The following POTEE variants were observed in gnomAD, a reference collection of about 807,000 sequenced individuals.
POTEE encodes POTE ankyrin domain family member E.
A neutral mutation model predicts 74.2 loss-of-function variants in POTEE; 21 were observed. The observed-to-expected ratio is 0.28, with a 90% CI of 0.20 to 0.41. The LOEUF is 0.41. Among genes scored for constraint, POTEE ranks in the 10% least tolerant of loss-of-function variants. POTEE has a pLI of 1.00. For synonymous variants in POTEE, 211 were observed against 432.8 expected, an observed-to-expected ratio of 0.49 and a Z score of 6.36; for missense variants, 525 against 1,158.6, an observed-to-expected ratio of 0.45 and a Z score of 7.94.
At position 131,218,357 on chromosome 2, in the gene POTEE, C is replaced by T. The variant is rs376486319; in HGVS notation, c.-46C>T. ...CTAGTTGGTGAAACTGGTTGGTAGA[C>T]GCGATCTGTTGGCTACTACTGGCTT... On this transcript the variant is annotated 5_prime_UTR_variant, in exon 4 of 18. In the 5' UTR this introduces an upstream ATG that the reference lacks. Coordinates refer to ENST00000683005, the MANE Select transcript of POTEE (RefSeq NM_001083538.3). The T allele has an allele frequency of 8.0e-4, 1,286 of 1,608,502 alleles. 19 individuals are homozygous for T. In the South Asian group the frequency reaches 0.012, roughly 15 times the overall value.
At chr2:131,218,178 G>A (rs1206265933) in intron 3 of POTEE, 132 bp from the exon 4 acceptor site, 6 of 916,230 alleles carry the variant, frequency 6.5e-6, no homozygotes, top group South Asian at 1.8e-5. Context: ...TGGGGTGGGC[G>A]TGGGGTCGCC....
chr2:131,256,720 A>G (rs1573737468), intron 16 of POTEE, among the ~76,000 whole-genome samples: 1 of 137,518 alleles, frequency 7.3e-6, no homozygotes, highest in East Asian at 2.3e-4. Context: ...GAAAAAGGGT[A>G]AAAAGAAACC....
At chr2:131,211,746 T>C (rs1405745083) in intron 2 of POTEE, among the ~76,000 whole-genome samples, 2 of 151,184 alleles carry the variant, frequency 1.3e-5, no homozygotes, top group Admixed American at 6.6e-5. Context: ...TTAGTAGAGA[T>C]GGGGTTTCAC....
chr2:131,224,218 A>G (rs1390979046), intron 6 of POTEE, among the ~76,000 whole-genome samples, 175 bp downstream of exon 6: 1 of 151,836 alleles, frequency 6.6e-6, no homozygotes, highest in Non-Finnish European at 1.5e-5. Context: ...TCAAAGAAGC[A>G]TTAGAGGGTA....
At chr2:131,222,754 T>G (rs1309595733) in intron 4 of POTEE, among the ~76,000 whole-genome samples, 1 of 152,170 alleles carries the variant, frequency 6.6e-6, no homozygotes, top group Non-Finnish European at 1.5e-5. Context: ...TGGCTTAAAG[T>G]TTATTGAAAA....
chr2:131,217,767 GCGCACGC>G (rs1364698297), intron 3 of POTEE, among the ~76,000 whole-genome samples, 84 bp downstream of exon 3: 900 of 12,606 alleles, frequency 0.071, 19 homozygotes, highest in Admixed American at 0.14. Context: ...CACGCCGCAC[GCGCACGC>G]CGCACGCGCA....
At chr2:131,222,472 C>T (rs1438298797) in intron 4 of POTEE, among the ~76,000 whole-genome samples, 6 of 151,588 alleles carry the variant, frequency 4.0e-5, no homozygotes, top group African/African-American at 1.5e-4. Context: ...GGGCTTAACA[C>T]CTGAGTAATG....
At chr2:131,219,830 A>G (rs1386682218) in intron 4 of POTEE, among the ~76,000 whole-genome samples, 1 of 152,110 alleles carries the variant, frequency 6.6e-6, no homozygotes, top group Non-Finnish European at 1.5e-5. Flanking sequence ...TAAATTACAC[A>G]TGCTGTCTTT....
chr2:131,257,040 T>G (rs1320157883), intron 16 of POTEE, among the ~76,000 whole-genome samples: 1 of 141,216 alleles, frequency 7.1e-6, no homozygotes, highest in Non-Finnish European at 1.5e-5. Flanking sequence ...AATAAAAGTT[T>G]CTTTGTATTA....
intron 9 of POTEE, among the ~76,000 whole-genome samples, chr2:131,231,310 C>A (rs1173063337): frequency 1.3e-5 from 2 of 150,634 alleles, no homozygotes; most frequent in Non-Finnish European, 3.0e-5. Flanking sequence ...TGACTGGAGG[C>A]AGAGTACAGG....
rs1212158064 is a variant in POTEE, at chr2:131,223,591, C to T, written c.522-5C>T. The T allele has an allele frequency of 1.2e-6, 2 of 1,612,300 alleles. No individual in the cohort carries two copies. The highest frequency in any genetic ancestry group is 8.5e-7 in the Non-Finnish European group (1 of 1,179,848). On this transcript the variant is annotated splice_region_variant and splice_polypyrimidine_tract_variant and intron_variant, in intron 4 of 17. Transcript: ENST00000683005. Reference sequence around the variant, plus strand: ...ATTTCCTAAAAAGTCTTGTCACTCTCATAGGACTGCTCTACATCTGGCCTC... The same window carrying T: ...ATTTCCTAAAAAGTCTTGTCACTCTTATAGGACTGCTCTACATCTGGCCTC...
intron 16 of POTEE, among the ~76,000 whole-genome samples, chr2:131,254,810 A>G (rs2105128523): frequency 7.0e-6 from 1 of 142,650 alleles, no homozygotes; most frequent in South Asian, 2.3e-4. Context: ...TCCTGTTAAT[A>G]GAACTCAGTA....
chr2:131,232,701 G>A (rs1701001669), intron 9 of POTEE, among the ~76,000 whole-genome samples: 1 of 150,960 alleles, frequency 6.6e-6, no homozygotes, highest in South Asian at 2.1e-4. Context: ...GTAGGAACCA[G>A]AGTTGTTTTG....
intron 9 of POTEE, among the ~76,000 whole-genome samples, chr2:131,235,792 CAA>C (rs1203876832): frequency 1.9e-4 from 15 of 79,148 alleles, no homozygotes; most frequent in South Asian, 1.1e-3. Context: ...GACCCTGGCT[CAA>C]AAAAAAAAAA....
chr2:131,224,698 G>C (rs1288406089), intron 6 of POTEE, among the ~76,000 whole-genome samples: 2 of 151,616 alleles, frequency 1.3e-5, no homozygotes, highest in Non-Finnish European at 2.9e-5. Flanking sequence ...GAGAATGACA[G>C]TTTTCAGTTT....
rs753024594 is a variant in POTEE at position 131,263,405 on chromosome 2, G to A, written c.1950G>A (p.Thr650=). The change falls in exon 18 of 18, where the codon ACG becomes ACA. Residue 650 remains threonine (T), a synonymous_variant. Coordinates refer to ENST00000683005, the MANE Select transcript of POTEE (RefSeq NM_001083538.3). ...KEKDVLHENS[T]LREEIAMLRL... ...AAGACGTCTTGCATGAAAATAGTACGTTGCGGGAAGAAATTGCCATGCTAA... is the reference window on the plus strand; with the variant it reads ...AAGACGTCTTGCATGAAAATAGTACATTGCGGGAAGAAATTGCCATGCTAA... The A allele has an allele frequency of 1.7e-5, 27 of 1,611,710 alleles. No homozygotes were observed. The highest frequency in any genetic ancestry group is 3.3e-5 in the Admixed American group (2 of 59,982).
intron 16 of POTEE, among the ~76,000 whole-genome samples, chr2:131,258,325 T>A (rs1701615389): frequency 1.4e-5 from 1 of 74,024 alleles, no homozygotes; most frequent in Non-Finnish European, 2.7e-5. Context: ...CTCACGAAGA[T>A]TTTTTTTTTT....
In POTEE at chr2:131,263,840, T is replaced by C; in HGVS notation, c.2385T>C (p.Arg795=). 1.9e-6 allele frequency: 3 copies of C among 1,614,158 alleles called. No individual in the cohort carries two copies. The Middle Eastern group carries it at 5.0e-4, about 267-fold the overall frequency. The change falls in exon 18 of 18, where the codon CGT becomes CGC. Residue 795 remains arginine, a synonymous_variant. Coordinates refer to ENST00000683005, the MANE Select transcript of POTEE (RefSeq NM_001083538.3). ...IWHHTFYNEL[R]VAPEEHPILL... Reference sequence around the variant, plus strand: ...ACCACACCTTCTACAACGAGCTGCGTGTGGCTCCCGAGGAGCACCCCATCC... The same window carrying C: ...ACCACACCTTCTACAACGAGCTGCGCGTGGCTCCCGAGGAGCACCCCATCC...
At chr2:131,209,963 G>A (rs1048551737) in intron 1 of POTEE, among the ~76,000 whole-genome samples, 144 bp downstream of exon 1, 12 of 142,474 alleles carry the variant, frequency 8.4e-5, no homozygotes, top group Admixed American at 7.0e-4. Context: ...GGTGGAGGGG[G>A]GCGGTTTTGG....
Sources: gnomAD v4.1 joint callset for allele counts (sites outside exome capture counted in the v4.1 genomes callset) on GRCh38, gnomAD v4.1.1 for gene constraint, MANE v1.5 for transcripts, NCBI Gene and HGNC (gene_info 2026-07-23, HGNC 2026-07-21) for gene names.